Variants in KIAA1328 observed in about 807,000 individuals in gnomAD.
The protein encoded by KIAA1328 is KIAA1328, also known as protein hinderin.
KIAA1328 carries 52 observed loss-of-function variants against 68.1 expected under a neutral mutation model. The ratio of observed to expected loss-of-function variants is 0.76; its 90% CI spans 0.61 to 0.96. The LOEUF (loss-of-function observed/expected upper bound fraction) is 0.96, where lower values mean the gene tolerates loss of function less well. KIAA1328 is among the 40% of genes least tolerant of loss of function. The probability of loss-of-function intolerance (pLI) is 0.00; values close to 1 mark genes in which losing one functional copy is unlikely to be tolerated. For missense variants in KIAA1328, 641 were observed against 677.6 expected, an observed-to-expected ratio of 0.95 and a Z score of 0.60; for synonymous variants, 232 against 239.4, an observed-to-expected ratio of 0.97 and a Z score of 0.28.
intron 5 of KIAA1328, among the ~76,000 whole-genome samples, chr18:36,919,260 C>T (rs1180080443): frequency 6.6e-6 from 1 of 152,100 alleles, no homozygotes; most frequent in Non-Finnish European, 1.5e-5. Context: ...ATTGTTTGTA[C>T]AGTATGTCTA....
At chr18:37,101,429 C>G (rs1248406364) in intron 7 of KIAA1328, among the ~76,000 whole-genome samples, 3 of 151,830 alleles carry the variant, frequency 2.0e-5, no homozygotes, top group Admixed American at 1.3e-4. Context: ...GATGGAAGAT[C>G]AAATGAATGA....
At chr18:37,049,357 A>G (rs1286564584) in intron 6 of KIAA1328, among the ~76,000 whole-genome samples, 2 of 152,118 alleles carry the variant, frequency 1.3e-5, no homozygotes, top group Non-Finnish European at 2.9e-5. Context: ...CATGAGTAGA[A>G]CTTTGAAGAC....
At chr18:37,160,632 A>T (rs180890881) in intron 8 of KIAA1328, among the ~76,000 whole-genome samples, 19 of 152,238 alleles carry the variant, frequency 1.2e-4, no homozygotes, top group Non-Finnish European at 2.2e-4. Context: ...GTTAAGAATT[A>T]GTCAGCAGTA....
chr18:37,084,215 C>T, intron 7 of KIAA1328: 2 of 1,522,756 alleles, frequency 1.3e-6, no homozygotes, highest in South Asian at 2.5e-5. Flanking sequence ...ATATGAATGG[C>T]AGTGACTCTG....
chr18:37,082,161 C>CT (rs1196996894), intron 7 of KIAA1328, among the ~76,000 whole-genome samples: 1 of 139,798 alleles, frequency 7.2e-6, no homozygotes, highest in Non-Finnish European at 1.5e-5. Context: ...TTACCTGCCC[C>CT]AAGGATTTTT....
chr18:37,209,370 G>A (rs943479160), intron 9 of KIAA1328, among the ~76,000 whole-genome samples: 8 of 150,528 alleles, frequency 5.3e-5, no homozygotes, highest in Non-Finnish European at 1.2e-4. Context: ...CAGATACCAT[G>A]TTTTGCATGG....
At chr18:37,088,918 CCTGA>C (rs1332205451) in intron 7 of KIAA1328, among the ~76,000 whole-genome samples, 3 of 152,110 alleles carry the variant, frequency 2.0e-5, no homozygotes, top group Non-Finnish European at 4.4e-5. Flanking sequence ...TGTTGTCTGT[CCTGA>C]CTGTCTTGGT....
At chr18:36,944,408 C>A (rs1001995552) in intron 5 of KIAA1328, among the ~76,000 whole-genome samples, 1 of 152,108 alleles carries the variant, frequency 6.6e-6, no homozygotes, top group Non-Finnish European at 1.5e-5. Context: ...GAAACCCCAT[C>A]TCTACTAAAA....
At chr18:37,034,315 A>G (rs2054946642) in intron 6 of KIAA1328, among the ~76,000 whole-genome samples, 1 of 152,162 alleles carries the variant, frequency 6.6e-6, no homozygotes, top group Non-Finnish European at 1.5e-5. Flanking sequence ...GGAAAGAGAA[A>G]CTACACTTTC....
chr18:37,060,169 T>C (rs1194250275), intron 6 of KIAA1328, among the ~76,000 whole-genome samples: 2 of 152,026 alleles, frequency 1.3e-5, no homozygotes, highest in African/African-American at 4.8e-5. Context: ...ATAATAATAA[T>C]AATAAATAGC....
At chr18:37,065,242 C>T (rs529460839) in intron 6 of KIAA1328, among the ~76,000 whole-genome samples, 149 of 152,236 alleles carry the variant, frequency 9.8e-4, no homozygotes, top group Non-Finnish European at 1.6e-3. Context: ...CAAGAAAGTA[C>T]AGTGTTAACA....
At chr18:37,035,525 C>G (rs2054991235) in intron 6 of KIAA1328, among the ~76,000 whole-genome samples, 1 of 152,098 alleles carries the variant, frequency 6.6e-6, no homozygotes, top group Non-Finnish European at 1.5e-5. Context: ...CCAAAATTAT[C>G]TCATTGGGGC....
chr18:37,027,289 T>C (rs965080394), intron 6 of KIAA1328, among the ~76,000 whole-genome samples: 2 of 152,044 alleles, frequency 1.3e-5, no homozygotes, highest in African/African-American at 4.8e-5. Context: ...AATGGCCATA[T>C]TGCCCAAGGT....
At chr18:37,173,896 A>G (rs2059546642) in intron 9 of KIAA1328, among the ~76,000 whole-genome samples, 1 of 152,224 alleles carries the variant, frequency 6.6e-6, no homozygotes, top group Admixed American at 6.5e-5. Flanking sequence ...ATTCCAGTCC[A>G]GTGCCTATAG....
chr18:37,000,580 T>C (rs1355902400), intron 6 of KIAA1328, among the ~76,000 whole-genome samples: 3 of 152,012 alleles, frequency 2.0e-5, no homozygotes, highest in Admixed American at 1.3e-4. Flanking sequence ...TTCTCCAGGA[T>C]AGACCATATG....
chr18:36,875,698 T>G (rs898342336), intron 4 of KIAA1328, among the ~76,000 whole-genome samples: 2 of 152,156 alleles, frequency 1.3e-5, no homozygotes, highest in Admixed American at 6.5e-5. Flanking sequence ...GAACTTCCAA[T>G]ACTATGTTGA....
chr18:37,166,994 A>G (rs2059401985), intron 8 of KIAA1328, among the ~76,000 whole-genome samples: 1 of 152,234 alleles, frequency 6.6e-6, no homozygotes, highest in African/African-American at 2.4e-5. Flanking sequence ...CAAACATTTA[A>G]GGAATTAACA....
chr18:37,126,474 C>G (rs2151945614), intron 7 of KIAA1328, among the ~76,000 whole-genome samples: 1 of 152,136 alleles, frequency 6.6e-6, no homozygotes, highest in Non-Finnish European at 1.5e-5. Flanking sequence ...AACCTTCCCC[C>G]AAAGAAAACT....
chr18:36,932,619 A>T (rs2050351965), intron 5 of KIAA1328, among the ~76,000 whole-genome samples: 1 of 152,220 alleles, frequency 6.6e-6, no homozygotes, highest in African/African-American at 2.4e-5. Context: ...GTAGCTCCAT[A>T]GCATATGCAG....
Sources: allele counts gnomAD v4.1 joint callset (sites outside exome capture counted in the v4.1 genomes callset), GRCh38; gene constraint gnomAD v4.1.1; transcripts MANE v1.5; gene names NCBI Gene and HGNC (gene_info 2026-07-23, HGNC 2026-07-21).